Variants in ZNF749 observed in about 807,000 individuals in gnomAD.
The protein encoded by ZNF749 is zinc finger protein 749.
Under a neutral mutation model 7.3 loss-of-function variants are expected in ZNF749, and 8 were observed. That is an observed-to-expected ratio of 1.10 (90% CI 0.64 to 1.98). The LOEUF (loss-of-function observed/expected upper bound fraction) is 1.98. ZNF749 is among the 30% of genes most tolerant of loss of function. The pLI, the probability that ZNF749 is intolerant of heterozygous loss-of-function variation, is 0.00. For missense variants in ZNF749, 898 were observed against 932.4 expected (o/e 0.96, Z 0.48); for synonymous variants, 310 against 322.4 (o/e 0.96, Z 0.41).
At chr19:57,441,843 A>G (rs1262687615) in intron 1 of ZNF749, 42 bp from the exon 2 acceptor site, 1 of 1,612,162 alleles carries the variant, frequency 6.2e-7, no homozygotes, top group Non-Finnish European at 8.5e-7. Context: ...GAAACACAGA[A>G]TAAGAAGTTG....
Position 57,444,499 on chromosome 19 carries a change from T to C in ZNF749, c.1351T>C (p.Ser451Pro). The C allele has an allele frequency of 6.2e-7, 1 of 1,613,986 alleles. No homozygotes were observed. Among genetic ancestry groups the C allele is most frequent in the East Asian group, 2.2e-5 (1 of 44,880 alleles). The change falls in exon 3 of 3, where the codon TCC becomes CCC. Residue 451 changes from serine to proline, a missense_variant. Transcript: ENST00000334181. The part of the protein sequence containing the change: ...TECEKAFVRK[S>P]HLVQHQKIHT... ...ATGTGAGAAGGCCTTTGTTAGAAAG[T>C]CCCACCTAGTTCAGCACCAGAAAAT...
At chr19:57,440,916 A>G (rs936654599) in intron 1 of ZNF749, among the ~76,000 whole-genome samples, 4 of 152,092 alleles carry the variant, frequency 2.6e-5, no homozygotes, top group Middle Eastern at 3.4e-3. Context: ...TCACGAGGTC[A>G]GGAGTTCGAG....
chr19:57,437,868 C>A (rs552674868), intron 1 of ZNF749: 19 of 390,992 alleles, frequency 4.9e-5, no homozygotes, highest in African/African-American at 3.5e-4. Context: ...CAATATGAGC[C>A]CTGTGAAGTG....
chr19:57,431,929 T>A (rs2088900683), upstream of ZNF749, among the ~76,000 whole-genome samples: 1 of 152,254 alleles, frequency 6.6e-6, no homozygotes, highest in African/African-American at 2.4e-5. Flanking sequence ...TTCAAGCAAT[T>A]CTCCTGCCTC....
upstream of ZNF749, among the ~76,000 whole-genome samples, chr19:57,434,166 C>T (rs1052912105): frequency 6.6e-6 from 1 of 152,158 alleles, no homozygotes; most frequent in African/African-American, 2.4e-5. Flanking sequence ...GGCGAGATCT[C>T]GGCTCACCGT....
chr19:57,434,072 A>G (rs545294201), upstream of ZNF749, among the ~76,000 whole-genome samples: 27 of 152,160 alleles, frequency 1.8e-4, no homozygotes, highest in Non-Finnish European at 3.1e-4. Flanking sequence ...CATCTGCATG[A>G]TATAACCTTG....
At chr19:57,431,850 T>G (rs1019961528), upstream of ZNF749, among the ~76,000 whole-genome samples, 5 of 152,020 alleles carry the variant, frequency 3.3e-5, no homozygotes, top group Non-Finnish European at 7.4e-5. Flanking sequence ...TTAACGGAGT[T>G]TCACTCTTGT....
chr19:57,435,664 G>T, intron 1 of ZNF749, 71 bp downstream of exon 1: 1 of 1,563,758 alleles, frequency 6.4e-7, no homozygotes, highest in South Asian at 1.2e-5. Flanking sequence ...GAGCCGCCCT[G>T]CAGGTTAGGC....
Position 57,444,360 on chromosome 19 carries a change from T to A in ZNF749, c.1212T>A (p.His404Gln), listed in dbSNP as rs1308570186. The A allele has an allele frequency of 6.2e-7, 1 of 1,614,170 alleles. No individual in the cohort carries two copies. The highest frequency in any genetic ancestry group is 1.7e-5 in the Admixed American group (1 of 60,032). The change falls in exon 3 of 3, where the codon CAT becomes CAA. Residue 404 changes from histidine to glutamine, a missense_variant. Transcript: ENST00000334181. Reference sequence around the variant, plus strand: ...CACTCAATATGCACCAGAGAGTTCATGCTGGCAAAAGGCTTTATAAGTGTA... The same window carrying A: ...CACTCAATATGCACCAGAGAGTTCAAGCTGGCAAAAGGCTTTATAAGTGTA... ...RSTLNMHQRVHAGKRLYKCSE... is the reference protein window; with the variant it reads ...RSTLNMHQRVQAGKRLYKCSE...
rs2089062957 is a variant in ZNF749 at position 57,446,136 on chromosome 19, T to C, written c.*651T>C. 6.6e-6 allele frequency among the ~76,000 whole-genome samples: 1 copy of C among 152,132 alleles called. No individual in the cohort carries two copies. Among genetic ancestry groups the C allele is most frequent in the Admixed American group, 6.6e-5 (1 of 15,264 alleles). On this transcript the variant is annotated 3_prime_UTR_variant, in exon 3 of 3. Transcript: ENST00000334181. ...CCCCCAGGCTGCAAACTGGTACCAG[T>C]CTGTGGCCTGTTAGGAACCGGGCCA...
chr19:57,435,419 G>C lies in ZNF749; in HGVS notation c.-160G>C. ...CCCAGAGCTCTGGGTCGGGACTGAG[G>C]TGAAAGAGCGGAAAAACGCGAGAAG... On this transcript the variant is annotated 5_prime_UTR_variant, in exon 1 of 3. Transcript: ENST00000334181. 9.2e-7 allele frequency: 1 copy of C among 1,090,638 alleles called. No homozygotes were observed. Among genetic ancestry groups the C allele is most frequent in the South Asian group, 1.4e-5 (1 of 72,068 alleles). 67.6% of individuals were successfully genotyped at this position (1,090,638 alleles called of 1,614,324 possible). A position where few individuals can be genotyped will look rare whatever the true frequency, so the allele number is the denominator to read the frequency against.
In ZNF749 at chr19:57,444,946, G is replaced by C. The variant is rs2089043991; in HGVS notation, c.1798G>C (p.Val600Leu). The C allele has an allele frequency of 1.2e-6, 2 of 1,613,430 alleles. No homozygotes were observed. Residue 600 changes from valine (V) to leucine (L), a missense_variant, in exon 3 of 3, where the codon GTT (valine) becomes CTT (leucine). Coordinates refer to ENST00000334181, the MANE Select transcript of ZNF749 (RefSeq NM_001023561.4). ...GKFFLDSYKLVIHQRIHTGEK... is the reference protein window; with the variant it reads ...GKFFLDSYKLLIHQRIHTGEK... Reference sequence around the variant, plus strand: ...ATTCTTTTTGGACAGCTACAAACTTGTTATTCATCAGAGAATTCACACTGG... The same window carrying C: ...ATTCTTTTTGGACAGCTACAAACTTCTTATTCATCAGAGAATTCACACTGG...
chr19:57,444,038 CT>C lies in ZNF749; in HGVS notation c.892del (p.Tyr298MetfsTer132). ...EHQEILSRPT[P>X]YECTQCGKAF... ...CAGGAGATTCTCAGTAGACCAACACCTTATGAATGCACCCAGTGTGGGAAGG... is the reference window on the plus strand; with the variant it reads ...CAGGAGATTCTCAGTAGACCAACACCTATGAATGCACCCAGTGTGGGAAGG... On this transcript the variant is annotated frameshift_variant, in exon 3 of 3. Coordinates refer to ENST00000334181, the MANE Select transcript of ZNF749 (RefSeq NM_001023561.4). LOFTEE classifies it low-confidence loss of function (END_TRUNC). The C allele has an allele frequency of 6.2e-7, 1 of 1,613,932 alleles. No homozygotes were observed. Among genetic ancestry groups the C allele is most frequent in the Non-Finnish European group, 8.5e-7 (1 of 1,179,884 alleles).
rs1600104543 is a variant in ZNF749, at chr19:57,442,065, C to G, written c.142+54C>G. ...TTGTGCTGGGTGCTGTTTTTTTGCT[C>G]TTTTCCATGACAACTCTGTCTTTCC... On this transcript the variant is annotated intron_variant, in intron 2 of 2. Transcript: ENST00000334181. The surrounding 1 kb of genome is among the most constrained non-coding windows in gnomAD (Gnocchi z 6.6). 7 of 1,592,352 alleles carry G rather than the reference C, an allele frequency of 4.4e-6. No homozygotes were observed. In the East Asian group the frequency reaches 1.3e-4, roughly 31 times the overall value.
rs1568548955 is a variant in ZNF749 at position 57,445,698 on chromosome 19, G to A, written c.*213G>A. On this transcript the variant is annotated 3_prime_UTR_variant, in exon 3 of 3. Coordinates refer to ENST00000334181, the MANE Select transcript of ZNF749 (RefSeq NM_001023561.4). ...AATCCCAGCACTTTGGGAGGCAGAGGTGGGTGGATCACCTGAGGTCAGGAG... is the reference window on the plus strand; with the variant it reads ...AATCCCAGCACTTTGGGAGGCAGAGATGGGTGGATCACCTGAGGTCAGGAG... The A allele has an allele frequency of 2.8e-6, 1 of 359,508 alleles. No homozygotes were observed. Among genetic ancestry groups the A allele is most frequent in the East Asian group, 1.7e-4 (1 of 6,016 alleles). 22.3% of individuals were successfully genotyped at this position (359,508 alleles called of 1,614,324 possible).
chr19:57,435,292 G>A, upstream of ZNF749: 1 of 570,876 alleles, frequency 1.8e-6, no homozygotes, highest in South Asian at 2.0e-5. Flanking sequence ...CTAGCAGAGA[G>A]ACGACTAATG....
chr19:57,434,644 A>G (rs887371652), upstream of ZNF749, among the ~76,000 whole-genome samples: 11 of 152,170 alleles, frequency 7.2e-5, no homozygotes, highest in African/African-American at 2.7e-4. Flanking sequence ...TTCTTAGGAT[A>G]TCTTGGAGCC....
rs370594271 is a variant in ZNF749 at position 57,446,349 on chromosome 19, C to T, written c.*864C>T. On this transcript the variant is annotated 3_prime_UTR_variant, in exon 3 of 3. Coordinates refer to ENST00000334181, the MANE Select transcript of ZNF749 (RefSeq NM_001023561.4). ...AAACTGTCTGCCCCCTCCTCTGTCC[C>T]TGATGCGTGGAAAAATTGGCTTCCA... Among the ~76,000 whole-genome samples, 2 of 152,282 alleles carry T rather than the reference C, an allele frequency of 1.3e-5. No individual in the cohort carries two copies. The highest frequency in any genetic ancestry group is 6.5e-5 in the Admixed American group (1 of 15,294).
intron 1 of ZNF749, chr19:57,438,370 A>C: frequency 3.9e-5 from 11 of 281,398 alleles, no homozygotes; most frequent in East Asian, 5.9e-5. Context: ...TACCCAATAA[A>C]TGTGGAGGGC....
Sources: allele counts gnomAD v4.1 joint callset (sites outside exome capture counted in the v4.1 genomes callset), GRCh38; gene constraint gnomAD v4.1.1; non-coding constraint Gnocchi (gnomAD v3.1); transcripts MANE v1.5; gene names NCBI Gene and HGNC (gene_info 2026-07-23, HGNC 2026-07-21).